CRADD: variants seen among roughly 807,000 people sequenced by gnomAD.
CRADD encodes death domain-containing protein CRADD.
CRADD carries 9 observed loss-of-function variants against 15.5 expected under a neutral mutation model. That is an observed-to-expected ratio of 0.58 (90% CI 0.35 to 1.01). The LOEUF (loss-of-function observed/expected upper bound fraction) is 1.01. Among genes scored for constraint, CRADD ranks in the 50% least tolerant of loss-of-function variants. The pLI, the probability that CRADD is intolerant of heterozygous loss-of-function variation, is 0.02. For missense variants in CRADD, 227 were observed against 250.3 expected (o/e 0.91, Z 0.63); for synonymous variants, 118 against 107.6 (o/e 1.10, Z -0.60).
intron 2 of CRADD, among the ~76,000 whole-genome samples, chr12:93,748,454 T>G (rs887249908): frequency 6.6e-6 from 1 of 152,192 alleles, no homozygotes; most frequent in African/African-American, 2.4e-5. Flanking sequence ...ATTACAGGCA[T>G]GCACCACCAC....
At chr12:93,691,358 A>G (rs933697014) in intron 2 of CRADD, among the ~76,000 whole-genome samples, 22 of 151,856 alleles carry the variant, frequency 1.4e-4, no homozygotes, top group African/African-American at 5.1e-4. Context: ...GGTTCAAGCA[A>G]TTCTCCTGCC....
At chr12:93,760,053 CCAGT>C (rs1956933660) in intron 2 of CRADD, among the ~76,000 whole-genome samples, 1 of 152,072 alleles carries the variant, frequency 6.6e-6, no homozygotes, top group South Asian at 2.1e-4. Flanking sequence ...ATGGAGACTA[CCAGT>C]CACTTGTTAG....
intron 2 of CRADD, among the ~76,000 whole-genome samples, chr12:93,701,277 T>TTCTC (rs150148156): frequency 7.5e-6 from 1 of 133,104 alleles, no homozygotes; most frequent in Non-Finnish European, 1.6e-5. Context: ...CTCCATATCC[T>TTCTC]TCTCTCTCTC....
Position 93,760,680 on chromosome 12 carries a change from C to CCATT in CRADD, c.298+81635_298+81638dup, listed in dbSNP as rs57810477. On this transcript the variant is annotated intron_variant, in intron 2 of 2. Coordinates refer to ENST00000332896, the MANE Select transcript of CRADD (RefSeq NM_003805.5). Reference sequence around the variant, plus strand: ...GCGCTTGTCTTCATTGGTTTGTTTGCCATTCATTCATTCATTCATTCATTC... The same window carrying CCATT: ...GCGCTTGTCTTCATTGGTTTGTTTGCCATTCATTCATTCATTCATTCATTCATTC... Among the ~76,000 whole-genome samples the CCATT allele has an allele frequency of 9.0e-3, 1,369 of 151,876 alleles. 9 individuals carry two copies. Among genetic ancestry groups the CCATT allele is most frequent in the Middle Eastern group, 0.024 (7 of 294 alleles).
Position 93,762,935 on chromosome 12 carries a change from A to T in CRADD, c.298+83863A>T, listed in dbSNP as rs79056855. Among the ~76,000 whole-genome samples, 464 of 152,212 alleles carry T rather than the reference A, an allele frequency of 3.0e-3. 2 individuals carry two copies. The highest frequency in any genetic ancestry group is 0.01 in the African/African-American group (423 of 41,554). On this transcript the variant is annotated intron_variant, in intron 2 of 2. Transcript: ENST00000332896. ...TTGACTAGTGGGGAGCAGTACATGA[A>T]TGAGGTTTGCTTTTCCTAAGATATT...
intron 2 of CRADD, among the ~76,000 whole-genome samples, chr12:93,702,807 G>A (rs914174721): frequency 1.3e-5 from 2 of 151,952 alleles, no homozygotes; most frequent in African/African-American, 4.8e-5. Context: ...GTGCTCTGGT[G>A]GTCCCGTAAC....
intron 2 of CRADD, among the ~76,000 whole-genome samples, chr12:93,728,540 G>A (rs745421148): frequency 6.6e-6 from 1 of 152,024 alleles, no homozygotes; most frequent in Non-Finnish European, 1.5e-5. Flanking sequence ...GATAAAATAC[G>A]GTAAAGTTCA....
At chr12:93,767,955 C>G (rs183434986) in intron 2 of CRADD, among the ~76,000 whole-genome samples, 1 of 152,308 alleles carries the variant, frequency 6.6e-6, no homozygotes, top group African/African-American at 2.4e-5. Context: ...TTCCTTGTTT[C>G]TTTTGCAAAG....
At chr12:93,747,775 C>G (rs561285953) in intron 2 of CRADD, among the ~76,000 whole-genome samples, 220 of 152,224 alleles carry the variant, frequency 1.4e-3, no homozygotes, top group African/African-American at 4.9e-3. Context: ...CTAATTTTTC[C>G]TTCCCTTTTA....
chr12:93,720,076 C>CCTT (rs1956231989), intron 2 of CRADD, among the ~76,000 whole-genome samples: 1 of 151,994 alleles, frequency 6.6e-6, no homozygotes, highest in Non-Finnish European at 1.5e-5. Context: ...CATCCAAATC[C>CCTT]TATGCATTTC....
intron 2 of CRADD, among the ~76,000 whole-genome samples, chr12:93,811,590 G>A (rs1017421285): frequency 2.0e-5 from 3 of 152,150 alleles, no homozygotes; most frequent in African/African-American, 4.8e-5. Flanking sequence ...TTGAGACGTC[G>A]GGCAAGTGAT....
At chr12:93,755,456 C>T (rs904476388) in intron 2 of CRADD, among the ~76,000 whole-genome samples, 4 of 152,174 alleles carry the variant, frequency 2.6e-5, no homozygotes, top group Admixed American at 6.5e-5. Context: ...ACTAACTACC[C>T]TATGATTTTC....
intron 2 of CRADD, among the ~76,000 whole-genome samples, chr12:93,733,918 G>A (rs921698157): frequency 6.6e-6 from 1 of 151,940 alleles, no homozygotes; most frequent in African/African-American, 2.4e-5. Flanking sequence ...TATATTTTTT[G>A]AGGAGACAGG....
At chr12:93,840,251 A>G (rs1958031554) in intron 2 of CRADD, among the ~76,000 whole-genome samples, 1 of 152,200 alleles carries the variant, frequency 6.6e-6, no homozygotes, top group Admixed American at 6.5e-5. Context: ...GTCTTTTAAT[A>G]AAGGCTTAAA....
chr12:93,753,140 G>A (rs537998712), intron 2 of CRADD, among the ~76,000 whole-genome samples: 16 of 152,076 alleles, frequency 1.1e-4, no homozygotes, highest in South Asian at 6.2e-4. Flanking sequence ...GCAAAGTCAC[G>A]TCTTACATGG....
intron 2 of CRADD, among the ~76,000 whole-genome samples, chr12:93,779,103 A>G (rs1957171532): frequency 6.6e-6 from 1 of 152,196 alleles, no homozygotes; most frequent in Non-Finnish European, 1.5e-5. Context: ...GGTTCAGCTA[A>G]ATATCAAAAT....
intron 2 of CRADD, among the ~76,000 whole-genome samples, chr12:93,857,697 T>C (rs1446995186): frequency 1.3e-5 from 2 of 152,176 alleles, no homozygotes; most frequent in Non-Finnish European, 2.9e-5. Context: ...TACTTCCACT[T>C]ATGACGGAAG....
intron 2 of CRADD, among the ~76,000 whole-genome samples, chr12:93,743,311 G>A (rs753442088): frequency 2.0e-5 from 3 of 152,054 alleles, no homozygotes; most frequent in African/African-American, 4.8e-5. Flanking sequence ...CTGGAGAGCC[G>A]TAATTACTAG....
intron 2 of CRADD, among the ~76,000 whole-genome samples, chr12:93,782,860 A>G (rs901930415): frequency 6.6e-6 from 1 of 152,176 alleles, no homozygotes; most frequent in Non-Finnish European, 1.5e-5. Context: ...TTTAAAAAAT[A>G]CTCCTTCAAA....
Sources: allele counts gnomAD v4.1 joint callset (sites outside exome capture counted in the v4.1 genomes callset), GRCh38; gene constraint gnomAD v4.1.1; transcripts MANE v1.5; gene names NCBI Gene and HGNC (gene_info 2026-07-23, HGNC 2026-07-21).